FBXO25: variants seen among roughly 807,000 people sequenced by gnomAD.
The protein encoded by FBXO25 is F-box only protein 25.
Under a neutral mutation model 51.9 loss-of-function variants are expected in FBXO25, and 45 were observed. The observed-to-expected ratio is 0.87, with a 90% CI of 0.68 to 1.11. The LOEUF is 1.11. Among genes scored for constraint, FBXO25 ranks in the 50% most tolerant of loss-of-function variants. The pLI is 0.00. For missense variants in FBXO25, 507 were observed against 428.5 expected (o/e 1.18, Z -1.62); for synonymous variants, 199 against 151.0 (o/e 1.32, Z -2.33).
At chr8:419,242 G>A (rs1797007489) in intron 2 of FBXO25, among the ~76,000 whole-genome samples, 1 of 152,094 alleles carries the variant, frequency 6.6e-6, no homozygotes, top group Non-Finnish European at 1.5e-5. Context: ...GGTGACAGGT[G>A]CCTGTAATCC....
intron 8 of FBXO25, among the ~76,000 whole-genome samples, chr8:462,458 T>G (rs1799876420): frequency 1.3e-5 from 2 of 152,228 alleles, no homozygotes; most frequent in African/African-American, 4.8e-5. Flanking sequence ...GATTGGAGTA[T>G]TTAAGTCTGT....
rs1210102599 is a variant in FBXO25 at position 408,547 on chromosome 8, C to T, written c.-8+1481C>T. On this transcript the variant is annotated intron_variant, in intron 1 of 9. Coordinates refer to ENST00000350302, the MANE Select transcript of FBXO25 (RefSeq NM_183420.2). ...GAATAATGTTTTCTACCTTGGAGGACAGTGTGAGGATTAAATGAGACAACA... is the reference window on the plus strand; with the variant it reads ...GAATAATGTTTTCTACCTTGGAGGATAGTGTGAGGATTAAATGAGACAACA... Among the ~76,000 whole-genome samples the T allele has an allele frequency of 2.6e-5, 4 of 152,254 alleles. No individual in the cohort carries two copies. In the South Asian group the frequency reaches 8.3e-4, roughly 32 times the overall value.
At chr8:430,337 G>T (rs1035786473) in intron 2 of FBXO25, among the ~76,000 whole-genome samples, 1 of 152,116 alleles carries the variant, frequency 6.6e-6, no homozygotes, top group African/African-American at 2.4e-5. Context: ...TCAGTTGTTT[G>T]TATGTTTTTC....
intron 1 of FBXO25, chr8:407,559 C>T (rs1796234481): frequency 4.1e-5 from 23 of 564,414 alleles, no homozygotes; most frequent in Non-Finnish European, 5.2e-5. Flanking sequence ...TTCCCGCCCC[C>T]ACCCTCCTGG....
chr8:437,970 T>A lies in FBXO25; in HGVS notation c.381+2263T>A, dbSNP rs570711332. 3.9e-4 allele frequency among the ~76,000 whole-genome samples: 59 copies of A among 152,268 alleles called. No homozygotes were observed. The East Asian group carries it at 4.6e-3, about 12-fold the overall frequency. On this transcript the variant is annotated intron_variant, in intron 5 of 9. Transcript: ENST00000350302. ...AATAAGAAATGTAGAAGCATTTTTT[T>A]AAAATGCTTGATAAAAGGTTTCCTT...
chr8:408,284 C>T lies in FBXO25; in HGVS notation c.-8+1218C>T, dbSNP rs1247571374. ...GTTTTAGTGCCTTTGTATTTAGGTT[C>T]ATCATTACTTGAAATCATATTAGTG... is the stretch of plus-strand genomic sequence containing the variant. On this transcript the variant is annotated intron_variant, in intron 1 of 9. Transcript: ENST00000350302. Among the ~76,000 whole-genome samples, 6 of 151,120 alleles carry T rather than the reference C, an allele frequency of 4.0e-5. 1 individual carries two copies. The highest frequency in any genetic ancestry group is 1.5e-4 in the African/African-American group (6 of 41,008).
intron 1 of FBXO25, among the ~76,000 whole-genome samples, chr8:411,500 A>C (rs1479774543): frequency 6.6e-6 from 1 of 152,060 alleles, no homozygotes; most frequent in African/African-American, 2.4e-5. Flanking sequence ...TTAGTGTCTG[A>C]ATGCTCATGA....
intron 2 of FBXO25, among the ~76,000 whole-genome samples, chr8:425,388 A>G (rs564330685): frequency 5.4e-5 from 8 of 147,884 alleles, no homozygotes; most frequent in Non-Finnish European, 1.0e-4. Context: ...TTCTGTTAGC[A>G]CTTGTAACTT....
At chr8:464,235 C>T (rs865885485) in intron 9 of FBXO25, among the ~76,000 whole-genome samples, 33 of 152,182 alleles carry the variant, frequency 2.2e-4, no homozygotes, top group African/African-American at 7.0e-4. Flanking sequence ...GGATTACAGG[C>T]GTGAGCCATG....
At chr8:410,712 G>A (rs1796437424) in intron 1 of FBXO25, among the ~76,000 whole-genome samples, 1 of 152,224 alleles carries the variant, frequency 6.6e-6, no homozygotes, top group Non-Finnish European at 1.5e-5. Context: ...ATGTTCAGTA[G>A]TTGTGAAGCA....
rs1053961719 is a variant in FBXO25, at chr8:446,163, C to T, written c.382-3827C>T. Among the ~76,000 whole-genome samples the T allele has an allele frequency of 3.9e-5, 6 of 152,168 alleles. No individual in the cohort carries two copies. In the South Asian group the frequency reaches 8.3e-4, roughly 21 times the overall value. On this transcript the variant is annotated intron_variant, in intron 5 of 9. Transcript: ENST00000350302. ...GAATGTGAGGATGGAAAAGGAAAAT[C>T]ATATCTTAGTGAAACTGTGGAAATA...
chr8:464,364 A>G (rs1028328587), intron 9 of FBXO25, among the ~76,000 whole-genome samples: 16 of 151,928 alleles, frequency 1.1e-4, no homozygotes, highest in South Asian at 8.3e-4. Flanking sequence ...ACCGTGGGGG[A>G]AAAAAAATGT....
chr8:459,961 G>A (rs753711950), intron 8 of FBXO25, among the ~76,000 whole-genome samples: 25 of 152,116 alleles, frequency 1.6e-4, no homozygotes, highest in Admixed American at 2.6e-4. Flanking sequence ...TTGTTCGGGA[G>A]AAGCAAAAGA....
At chr8:417,737 G>A (rs1242588193) in intron 2 of FBXO25, among the ~76,000 whole-genome samples, 6 of 152,164 alleles carry the variant, frequency 3.9e-5, no homozygotes, top group Non-Finnish European at 8.8e-5. Flanking sequence ...TTCCATGTCA[G>A]TGTGCATTGA....
intron 2 of FBXO25, among the ~76,000 whole-genome samples, chr8:416,415 A>AT (rs1269176639): frequency 6.6e-6 from 1 of 152,172 alleles, no homozygotes; most frequent in Non-Finnish European, 1.5e-5. Flanking sequence ...CTGAATCTTT[A>AT]TTTTTTGTCC....
intron 6 of FBXO25, 126 bp downstream of exon 6, chr8:450,209 A>T: frequency 1.8e-6 from 1 of 557,768 alleles, no homozygotes; most frequent in African/African-American, 2.0e-5. Flanking sequence ...AAATAATGTG[A>T]TAACATCAGA....
chr8:447,217 C>T (rs994154060), intron 5 of FBXO25, among the ~76,000 whole-genome samples: 2 of 152,230 alleles, frequency 1.3e-5, no homozygotes, highest in South Asian at 4.1e-4. Flanking sequence ...CAGTTTTACT[C>T]AGGGACATGG....
Position 441,957 on chromosome 8 carries a change from A to G in FBXO25, c.381+6250A>G, listed in dbSNP as rs145817930. Among the ~76,000 whole-genome samples the G allele has an allele frequency of 9.4e-3, 1,439 of 152,330 alleles. 20 individuals carry two copies. Among genetic ancestry groups the G allele is most frequent in the African/African-American group, 0.033 (1,362 of 41,554 alleles). The stretch of plus-strand genomic sequence containing the variant: ...TGGAAGACAGTGTGGTGATTCCTCA[A>G]GGATCTAGAACCAGAGATACTATTT... On this transcript the variant is annotated intron_variant, in intron 5 of 9. Transcript: ENST00000350302.
rs1796673613 is a variant in FBXO25 at position 414,439 on chromosome 8, A to G, written c.134+1226A>G. 2.0e-5 allele frequency among the ~76,000 whole-genome samples: 3 copies of G among 152,134 alleles called. No homozygotes were observed. The South Asian group carries it at 6.2e-4, about 32-fold the overall frequency. On this transcript the variant is annotated intron_variant, in intron 2 of 9. Coordinates refer to ENST00000350302, the MANE Select transcript of FBXO25 (RefSeq NM_183420.2). Reference sequence around the variant, plus strand: ...GCCACTATTAAATGTGGATTTTAGGATGGGGAGATATATTACAGAATGTCA... The same window carrying G: ...GCCACTATTAAATGTGGATTTTAGGGTGGGGAGATATATTACAGAATGTCA...
Sources: gnomAD v4.1 joint callset for allele counts (sites outside exome capture counted in the v4.1 genomes callset) on GRCh38, gnomAD v4.1.1 for gene constraint, MANE v1.5 for transcripts, NCBI Gene and HGNC (gene_info 2026-07-23, HGNC 2026-07-21) for gene names.